Variants in CDH13 observed in about 807,000 individuals in gnomAD.
CDH13 encodes the protein cadherin-13.
In CDH13, 24 loss-of-function variants were observed where a neutral mutation model predicts 63.8. The observed-to-expected ratio is 0.38, with a 90% confidence interval of 0.27 to 0.53. CDH13 has a LOEUF of 0.53. Among genes scored for constraint, CDH13 ranks in the 20% least tolerant of loss-of-function variants. CDH13 has a pLI of 0.85. For missense variants in CDH13, 1,049 were observed against 903.1 expected (o/e 1.16, Z -2.07); for synonymous variants, 503 against 355.3 (o/e 1.42, Z -4.67).
At chr16:82,815,413 G>T (rs80088933) in intron 1 of CDH13, among the ~76,000 whole-genome samples, 9,081 of 152,160 alleles carry the variant, frequency 0.06, 353 homozygotes, top group East Asian at 0.17. Context: ...TACACGAGCT[G>T]GTGGTGTTGC....
At chr16:82,753,352 C>G (rs1182843576) in intron 1 of CDH13, among the ~76,000 whole-genome samples, 1 of 152,194 alleles carries the variant, frequency 6.6e-6, no homozygotes, top group Non-Finnish European at 1.5e-5. Flanking sequence ...TTCCTCCTAC[C>G]TCTTCAGACA....
intron 1 of CDH13, among the ~76,000 whole-genome samples, chr16:82,678,127 G>A (rs543732779): frequency 6.6e-5 from 10 of 152,018 alleles, no homozygotes; most frequent in East Asian, 1.9e-4. Context: ...TATCTAGTAC[G>A]GGAAACTTTC....
chr16:83,027,109 C>A lies in CDH13; in HGVS notation c.158-4901C>A, dbSNP rs565155705. Among the ~76,000 whole-genome samples the A allele has an allele frequency of 7.0e-5, 10 of 143,084 alleles. No individual in the cohort carries two copies. In the South Asian group the frequency reaches 1.7e-3, roughly 25 times the overall value. 93.9% of individuals were successfully genotyped at this position (143,084 alleles called of 152,430 possible). ...TCACAGCACAGAAGGGAGACCCCCC[C>A]CCCCCACCGCCCCGCCTCCAATCCT... On this transcript the variant is annotated intron_variant, in intron 2 of 13. Coordinates refer to ENST00000567109, the MANE Select transcript of CDH13 (RefSeq NM_001257.5).
At chr16:83,155,746 G>C (rs2037180828) in intron 4 of CDH13, among the ~76,000 whole-genome samples, 1 of 152,206 alleles carries the variant, frequency 6.6e-6, no homozygotes, top group African/African-American at 2.4e-5. Context: ...CCTCACAGGA[G>C]CCAGGAAGAC....
intron 5 of CDH13, among the ~76,000 whole-genome samples, chr16:83,337,611 T>C (rs554495489): frequency 6.2e-5 from 9 of 144,958 alleles, no homozygotes; most frequent in African/African-American, 2.3e-4. Flanking sequence ...AGAATTAAAT[T>C]GACAAGCGTA....
At chr16:82,829,305 C>G (rs556739199) in intron 1 of CDH13, 65 of 152,050 alleles carry the variant, frequency 4.3e-4, no homozygotes, top group African/African-American at 1.5e-3. Context: ...AGCGTATAAC[C>G]TTTCATACCG....
At chr16:83,467,849 A>C (rs2073355736) in intron 6 of CDH13, among the ~76,000 whole-genome samples, 1 of 152,172 alleles carries the variant, frequency 6.6e-6, no homozygotes, top group Admixed American at 6.5e-5. Context: ...TCCGATGTGC[A>C]CACTGGTACT....
At chr16:83,725,330 A>G (rs1910257375) in intron 10 of CDH13, 1 of 152,228 alleles carries the variant, frequency 6.6e-6, no homozygotes, top group Non-Finnish European at 1.5e-5. Flanking sequence ...GATCTAATCT[A>G]TCCTTAGGCG....
In CDH13 at chr16:83,168,167, T is replaced by TGC. The variant is rs1297706478; in HGVS notation, c.483+42667_483+42668dup. Among the ~76,000 whole-genome samples the TGC allele has an allele frequency of 7.7e-4, 117 of 151,984 alleles. 1 individual carries two copies. The highest frequency in any genetic ancestry group is 1.5e-3 in the Non-Finnish European group (105 of 67,986). Reference sequence around the variant, plus strand: ...ACACAATATACCTAGGTAACAAACCTGCACTTGTACCCGCTGAATCTAAAA... The same window carrying TGC: ...ACACAATATACCTAGGTAACAAACCTGCGCACTTGTACCCGCTGAATCTAAAA... On this transcript the variant is annotated intron_variant, in intron 4 of 13. Transcript: ENST00000567109.
At chr16:82,983,006 C>G (rs771244924) in intron 2 of CDH13, among the ~76,000 whole-genome samples, 4 of 152,152 alleles carry the variant, frequency 2.6e-5, no homozygotes, top group Non-Finnish European at 5.9e-5. Flanking sequence ...CCACAGGGAA[C>G]ACGACTGACA....
intron 8 of CDH13, chr16:83,655,063 G>C (rs1434110739): frequency 1.3e-5 from 2 of 152,216 alleles, no homozygotes; most frequent in Admixed American, 1.3e-4. Flanking sequence ...AGGCATACAA[G>C]GCACTACTTG....
intron 7 of CDH13, among the ~76,000 whole-genome samples, chr16:83,572,340 C>T (rs1904715915): frequency 6.6e-6 from 1 of 152,088 alleles, no homozygotes; most frequent in Admixed American, 6.6e-5. Context: ...AGGGTTTCAT[C>T]ATGTTGGTCA....
chr16:83,464,842 CA>C (rs1442996618), intron 6 of CDH13, among the ~76,000 whole-genome samples: 2 of 152,164 alleles, frequency 1.3e-5, no homozygotes, highest in Non-Finnish European at 2.9e-5. Flanking sequence ...GGGGTTTCAC[CA>C]AGTTGCCCAG....
intron 13 of CDH13, among the ~76,000 whole-genome samples, chr16:83,790,607 G>C (rs1597239051): frequency 6.6e-6 from 1 of 152,060 alleles, no homozygotes; most frequent in South Asian, 2.1e-4. Context: ...GTTTCACCGT[G>C]TTAGCCTGGA....
At chr16:82,836,436 C>T (rs544378861) in intron 1 of CDH13, among the ~76,000 whole-genome samples, 14 of 152,244 alleles carry the variant, frequency 9.2e-5, no homozygotes, top group South Asian at 4.1e-4. Context: ...AGGCATGAGC[C>T]GCTGTGCCTG....
chr16:83,062,436 C>T (rs748763608), intron 3 of CDH13, among the ~76,000 whole-genome samples: 1 of 152,144 alleles, frequency 6.6e-6, no homozygotes, highest in Non-Finnish European at 1.5e-5. Context: ...TAAGAAGTAT[C>T]AATGTGGTAA....
intron 10 of CDH13, 121 bp downstream of exon 10, chr16:83,678,582 C>T: frequency 8.0e-7 from 1 of 1,256,142 alleles, no homozygotes; most frequent in South Asian, 1.4e-5. Flanking sequence ...ACAATCTCAG[C>T]AAGTGGGAGG....
intron 3 of CDH13, among the ~76,000 whole-genome samples, chr16:83,110,895 T>A (rs1387094897): frequency 6.6e-6 from 1 of 151,660 alleles, no homozygotes; most frequent in African/African-American, 2.4e-5. Context: ...ACTTTTCCTG[T>A]TTTCTTGTTA....
At chr16:82,773,094 T>A (rs1448104649) in intron 1 of CDH13, among the ~76,000 whole-genome samples, 2 of 152,166 alleles carry the variant, frequency 1.3e-5, no homozygotes, top group African/African-American at 4.8e-5. Context: ...ATACACTCCT[T>A]TCATCTCTCA....
Sources: allele counts gnomAD v4.1 joint callset (sites outside exome capture counted in the v4.1 genomes callset), GRCh38; gene constraint gnomAD v4.1.1; transcripts MANE v1.5; gene names NCBI Gene and HGNC (gene_info 2026-07-23, HGNC 2026-07-21).